CIT: variants seen among roughly 807,000 people sequenced by gnomAD.
CIT encodes the protein citron Rho-interacting kinase.
In CIT, 79 loss-of-function variants were observed where a neutral mutation model predicts 272.7. That is an observed-to-expected ratio of 0.29 (90% confidence interval 0.24 to 0.35). The LOEUF is 0.35. CIT is among the 10% of genes least tolerant of loss of function. The probability of loss-of-function intolerance (pLI) is 1.00; values close to 1 mark genes in which losing one functional copy is unlikely to be tolerated. For synonymous variants in CIT, 948 were observed against 995.6 expected, an observed-to-expected ratio of 0.95 and a Z score of 0.90; for missense variants, 1,909 against 2,618.3, an observed-to-expected ratio of 0.73 and a Z score of 5.91.
intron 7 of CIT, among the ~76,000 whole-genome samples, chr12:119,828,698 G>A (rs922970020): frequency 1.3e-5 from 2 of 151,986 alleles, no homozygotes; most frequent in African/African-American, 4.8e-5. Flanking sequence ...GAATAGCTGG[G>A]ACTACAGGTG....
chr12:119,773,102 A>G lies in CIT; in HGVS notation c.1942-192T>C, dbSNP rs7969645. Among the ~76,000 whole-genome samples, 4,959 of 152,130 alleles carry G rather than the reference A, an allele frequency of 0.033. 104 individuals are homozygous for G. Among genetic ancestry groups the G allele is most frequent in the African/African-American group, 0.044 (1,822 of 41,488 alleles). On this transcript the variant is annotated intron_variant, in intron 16 of 47. Transcript: ENST00000392521. ...TACCATTTGTCAAAACAAATACACA[A>G]TCATTTAATTCTATATTTCATTATT...
At position 119,752,108 on chromosome 12, in the gene CIT, G is replaced by T. The variant is rs746038221; in HGVS notation, c.2846C>A (p.Ala949Glu). Residue 949 changes from alanine to glutamate, a missense_variant, in exon 23 of 48, where the codon GCG becomes GAG. Transcript: ENST00000392521. ...TGTGGTCTCTTCCAGCTCTGTCTTCGCCTGGCGAAGCTGGCTCTCCAGGGC... is the reference window on the plus strand; with the variant it reads ...TGTGGTCTCTTCCAGCTCTGTCTTCTCCTGGCGAAGCTGGCTCTCCAGGGC... ...RAALESQLRQ[A>E]KTELEETTAE... is the part of the protein sequence containing the mutation. 6.2e-7 allele frequency: 1 copy of T among 1,612,970 alleles called. No homozygotes were observed. The highest frequency in any genetic ancestry group is 8.5e-7 in the Non-Finnish European group (1 of 1,180,000).
chr12:119,832,880 G>A lies in CIT; in HGVS notation c.660-16C>T. 2 of 1,594,404 alleles carry A rather than the reference G, an allele frequency of 1.3e-6. No homozygotes were observed. Among genetic ancestry groups the A allele is most frequent in the South Asian group, 2.2e-5 (2 of 90,570 alleles). On this transcript the variant is annotated splice_polypyrimidine_tract_variant and intron_variant, in intron 6 of 47. Coordinates refer to ENST00000392521, the MANE Select transcript of CIT (RefSeq NM_001206999.2). ...CTTGATGTCTCTGTAAGAAAATCAG[G>A]ACCATGAATTGCCTCCTCCATCCCA... is the stretch of plus-strand genomic sequence containing the variant.
intron 6 of CIT, among the ~76,000 whole-genome samples, chr12:119,833,754 A>G (rs1393580762): frequency 6.6e-6 from 1 of 152,070 alleles, no homozygotes; most frequent in Non-Finnish European, 1.5e-5. Context: ...ATGTGGTATG[A>G]CATTTCCTTC....
chr12:119,751,220 A>G (rs1173697360), intron 23 of CIT, among the ~76,000 whole-genome samples: 1 of 152,216 alleles, frequency 6.6e-6, no homozygotes, highest in Admixed American at 6.5e-5. Flanking sequence ...AATGGGAAAA[A>G]GAAAATGTGA....
chr12:119,871,721 G>C (rs978140156), intron 2 of CIT, among the ~76,000 whole-genome samples: 7 of 152,190 alleles, frequency 4.6e-5, no homozygotes, highest in African/African-American at 1.4e-4. Flanking sequence ...GCCAGGTGTA[G>C]TGCCATGGTC....
At chr12:119,873,441 CTA>C (rs1326341114) in intron 2 of CIT, among the ~76,000 whole-genome samples, 3 of 151,806 alleles carry the variant, frequency 2.0e-5, no homozygotes, top group Admixed American at 2.0e-4. Context: ...TCACAGTCAG[CTA>C]TTTTTTGTGT....
intron 18 of CIT, among the ~76,000 whole-genome samples, chr12:119,769,164 C>T (rs1443661598): frequency 1.4e-5 from 2 of 144,958 alleles, no homozygotes; most frequent in South Asian, 4.3e-4. Flanking sequence ...ACTCAGGTAT[C>T]TGAGACTGAC....
chr12:119,720,367 TA>T lies in CIT; in HGVS notation c.3840+110del, dbSNP rs1957761179. 1.2e-5 allele frequency: 9 copies of T among 728,486 alleles called. No homozygotes were observed. The East Asian group carries it at 2.7e-4, about 22-fold the overall frequency. 45.1% of individuals were successfully genotyped at this position (728,486 alleles called of 1,614,324 possible). A position where few individuals can be genotyped will look rare whatever the true frequency, so the allele number is the denominator to read the frequency against. On this transcript the variant is annotated intron_variant, in intron 30 of 47. Transcript: ENST00000392521. ...ACCCAAAATAAAACAACAAAAAAAG[TA>T]TACTTTGTTTTCTTCTATGTTCCTA... is the stretch of plus-strand genomic sequence containing the variant.
At chr12:119,695,777 C>T (rs545393540) in intron 46 of CIT, among the ~76,000 whole-genome samples, 72 of 151,998 alleles carry the variant, frequency 4.7e-4, no homozygotes, top group African/African-American at 1.5e-3. Context: ...ATGACAGAGA[C>T]CCTGTCCCAA....
At chr12:119,859,084 G>A (rs527715342) in intron 3 of CIT, among the ~76,000 whole-genome samples, 11 of 152,268 alleles carry the variant, frequency 7.2e-5, no homozygotes, top group South Asian at 6.2e-4. Context: ...CTGAGACATC[G>A]CTAAATGTAC....
intron 28 of CIT, among the ~76,000 whole-genome samples, chr12:119,722,617 CCTGA>C (rs1412903699): frequency 6.6e-6 from 1 of 152,164 alleles, no homozygotes; most frequent in Non-Finnish European, 1.5e-5. Context: ...TGGTTTAAAT[CCTGA>C]CTTTTACACT....
intron 4 of CIT, among the ~76,000 whole-genome samples, chr12:119,856,555 CCA>C (rs765878824): frequency 4.4e-4 from 67 of 151,378 alleles, no homozygotes; most frequent in East Asian, 2.7e-3. Flanking sequence ...ACACACACAC[CCA>C]CACACACACA....
intron 32 of CIT, among the ~76,000 whole-genome samples, chr12:119,717,378 G>T (rs1044051324): frequency 2.0e-5 from 3 of 148,118 alleles, no homozygotes; most frequent in African/African-American, 7.5e-5. Context: ...GCCTGAGAGA[G>T]AGATGTGCTT....
rs1014972409 is a variant in CIT at position 119,792,455 on chromosome 12, C to T, written c.1296-7390G>A. 3.9e-5 allele frequency among the ~76,000 whole-genome samples: 6 copies of T among 152,106 alleles called. No individual in the cohort carries two copies. The South Asian group carries it at 6.2e-4, about 16-fold the overall frequency. On this transcript the variant is annotated intron_variant, in intron 10 of 47. Coordinates refer to ENST00000392521, the MANE Select transcript of CIT (RefSeq NM_001206999.2). ...TACTGGCTTTTAAGATTGAGCATTC[C>T]GAAATTTGTGAACTTGTTTTATTTA...
At chr12:119,811,357 T>C (rs1044584718) in intron 9 of CIT, among the ~76,000 whole-genome samples, 4 of 152,166 alleles carry the variant, frequency 2.6e-5, no homozygotes, top group African/African-American at 4.8e-5. Flanking sequence ...CAGTTTGCAA[T>C]AGACTTAAAT....
At chr12:119,767,447 A>G (rs1432806721) in intron 18 of CIT, among the ~76,000 whole-genome samples, 2 of 152,236 alleles carry the variant, frequency 1.3e-5, no homozygotes, top group Admixed American at 1.3e-4. Context: ...GACAGGTCGA[A>G]CAAAGGCAGC....
chr12:119,791,691 T>G (rs765641625), intron 10 of CIT, among the ~76,000 whole-genome samples: 1 of 152,250 alleles, frequency 6.6e-6, no homozygotes, highest in African/African-American at 2.4e-5. Context: ...ACAGCAGTGC[T>G]GTCTCTTCGA....
chr12:119,802,072 C>G (rs1197937933), intron 10 of CIT, among the ~76,000 whole-genome samples: 1 of 152,166 alleles, frequency 6.6e-6, no homozygotes, highest in Non-Finnish European at 1.5e-5. Flanking sequence ...CATCCAGGAA[C>G]CAACATAACA....
Sources: allele counts gnomAD v4.1 joint callset (sites outside exome capture counted in the v4.1 genomes callset), GRCh38; gene constraint gnomAD v4.1.1; transcripts MANE v1.5; gene names NCBI Gene and HGNC (gene_info 2026-07-23, HGNC 2026-07-21).